CCNF: variants seen among roughly 807,000 people sequenced by gnomAD.
The protein encoded by CCNF is cyclin F.
A neutral mutation model predicts 85.4 loss-of-function variants in CCNF; 30 were observed. The observed-to-expected ratio is 0.35, with a 90% CI of 0.26 to 0.48. The LOEUF (loss-of-function observed/expected upper bound fraction) is 0.48, where lower values mean the gene tolerates loss of function less well. CCNF is among the 20% of genes least tolerant of loss of function. The pLI is 0.99. For missense variants in CCNF, 919 were observed against 1,010.4 expected (o/e 0.91, Z 1.23); for synonymous variants, 439 against 425.1 (o/e 1.03, Z -0.40).
Position 2,441,060 on chromosome 16 carries a change from C to T in CCNF, c.777+1234C>T, listed in dbSNP as rs189945479. 1.4e-3 allele frequency among the ~76,000 whole-genome samples: 210 copies of T among 151,782 alleles called. 2 individuals are homozygous for T. The highest frequency in any genetic ancestry group is 0.014 in the Middle Eastern group (4 of 294). On this transcript the variant is annotated intron_variant, in intron 8 of 16. Transcript: ENST00000397066. Reference sequence around the variant, plus strand: ...CACCCTGGCCAATGTGGTGAAACCCCGTCTTTACTAAAAATACAAAAAAAT... The same window carrying T: ...CACCCTGGCCAATGTGGTGAAACCCTGTCTTTACTAAAAATACAAAAAAAT...
intron 8 of CCNF, among the ~76,000 whole-genome samples, chr16:2,440,597 G>A (rs2141819783): frequency 6.6e-6 from 1 of 151,708 alleles, no homozygotes; most frequent in East Asian, 1.9e-4. Context: ...TCTGTCTGAA[G>A]GAAAAAAAAA....
intron 2 of CCNF, 109 bp from the exon 3 acceptor site, chr16:2,432,852 C>T (rs558396569): frequency 6.7e-6 from 4 of 598,486 alleles, no homozygotes; most frequent in African/African-American, 3.7e-5. Context: ...CTTGGGATGG[C>T]GAGGGAGACA....
Position 2,453,125 on chromosome 16 carries a change from A to G in CCNF, c.1488-85A>G. 8.7e-7 allele frequency: 1 copy of G among 1,155,816 alleles called. No individual in the cohort carries two copies. The highest frequency in any genetic ancestry group is 1.3e-6 in the Non-Finnish European group (1 of 768,190). 71.6% of individuals were successfully genotyped at this position (1,155,816 alleles called of 1,614,324 possible). ...TTCCAGAGTGACTGCACCATTTTGC[A>G]TTCTCATTGCTCACTTCAGTGAACT... is the stretch of plus-strand genomic sequence containing the variant. On this transcript the variant is annotated intron_variant, in intron 13 of 16. Transcript: ENST00000397066. The surrounding 1 kb of genome is among the most constrained non-coding windows in gnomAD (Gnocchi z 5.6).
chr16:2,433,388 C>G (rs2065272178), intron 3 of CCNF, among the ~76,000 whole-genome samples: 1 of 152,184 alleles, frequency 6.6e-6, no homozygotes, highest in South Asian at 2.1e-4. Flanking sequence ...AGCCTTCCTT[C>G]CCTTTGGTCA....
intron 9 of CCNF, among the ~76,000 whole-genome samples, chr16:2,444,643 C>T (rs2065351796): frequency 6.6e-6 from 1 of 151,852 alleles, no homozygotes; most frequent in African/African-American, 2.4e-5. Context: ...GTCACCCAGG[C>T]CAGAGTGCAG....
chr16:2,430,976 G>T (rs1191873342), intron 1 of CCNF, 154 bp from the exon 2 acceptor site: 1 of 835,182 alleles, frequency 1.2e-6, no homozygotes. Context: ...TCTTTGTTTG[G>T]GACAAGAAGC....
In CCNF at chr16:2,448,852, C is replaced by A; in HGVS notation, c.1095-3C>A. 2 of 1,613,438 alleles carry A rather than the reference C, an allele frequency of 1.2e-6. No homozygotes were observed. Among genetic ancestry groups the A allele is most frequent in the Non-Finnish European group, 1.7e-6 (2 of 1,179,536 alleles). On this transcript the variant is annotated splice_region_variant and splice_polypyrimidine_tract_variant and intron_variant, in intron 10 of 16. Coordinates refer to ENST00000397066, the MANE Select transcript of CCNF (RefSeq NM_001761.3). The stretch of plus-strand genomic sequence containing the variant: ...ACCCTGAGACCCCTTCTCGGCGTTG[C>A]AGGTTTATCAGTAAAGAGATCCTGA...
In CCNF at chr16:2,458,648, CTG is replaced by C; in HGVS notation, c.*1630_*1631del. 1 of 152,224 alleles carries C rather than the reference CTG, an allele frequency of 6.6e-6. No homozygotes were observed. The highest frequency in any genetic ancestry group is 1.9e-4 in the East Asian group (1 of 5,186). 9.4% of individuals were successfully genotyped at this position (152,224 alleles called of 1,614,324 possible). On this transcript the variant is annotated 3_prime_UTR_variant, in exon 17 of 17. Transcript: ENST00000397066. ...CTATGTGTGTTCATGTCCGCGGCAG[CTG>C]TCTTTTTGCTACTATAAGGGAATTC...
intron 1 of CCNF, chr16:2,430,898 A>G: frequency 1.4e-6 from 1 of 699,102 alleles, no homozygotes; most frequent in South Asian, 1.4e-5. Context: ...TTTGCCATAA[A>G]TATTTGTTGA....
intron 3 of CCNF, among the ~76,000 whole-genome samples, chr16:2,434,699 T>C (rs2065278955): frequency 6.6e-6 from 1 of 152,216 alleles, no homozygotes; most frequent in African/African-American, 2.4e-5. Flanking sequence ...CACCAGTACT[T>C]AACTTTAGAA....
rs369575128 is a variant in CCNF, at chr16:2,431,335, A to G, written c.171+51A>G. ...GAGCCCTAGCATTGTTGATTATACCATCAGGCCTTGTGTTCTTAACTGTCA... is the reference window on the plus strand; with the variant it reads ...GAGCCCTAGCATTGTTGATTATACCGTCAGGCCTTGTGTTCTTAACTGTCA... On this transcript the variant is annotated intron_variant, in intron 2 of 16. Transcript: ENST00000397066. 6 of 1,582,364 alleles carry G rather than the reference A, an allele frequency of 3.8e-6. No individual in the cohort carries two copies. The East Asian group carries it at 1.3e-4, about 35-fold the overall frequency.
intron 8 of CCNF, among the ~76,000 whole-genome samples, chr16:2,441,061 G>A (rs2065318527): frequency 2.0e-5 from 3 of 151,672 alleles, no homozygotes; most frequent in South Asian, 2.1e-4. Flanking sequence ...GTGAAACCCC[G>A]TCTTTACTAA....
rs2065309194 is a variant in CCNF at position 2,439,406 on chromosome 16, G to A, written c.648G>A (p.Gln216=). 1.2e-6 allele frequency: 2 copies of A among 1,611,138 alleles called. No individual in the cohort carries two copies. The highest frequency in any genetic ancestry group is 1.7e-5 in the Admixed American group (1 of 59,788). Residue 216 remains glutamine (Q), a synonymous_variant, in exon 7 of 17, where the codon CAG becomes CAA. Transcript: ENST00000397066. ...AHDLFEEAAH[Q]GCLTSSYLLW... ...ACCTGTTTGAGGAGGCTGCTCATCA[G>A]GGATGTCTGACCAGCTCCTACCTCC... is the stretch of plus-strand genomic sequence containing the variant.
chr16:2,445,720 T>C, intron 10 of CCNF, 98 bp downstream of exon 10: 1 of 1,043,588 alleles, frequency 9.6e-7, no homozygotes, highest in Non-Finnish European at 1.3e-6. Flanking sequence ...TTTGGTTTTG[T>C]TTTGTGTTGT....
At chr16:2,440,974 C>CT (rs1439963280) in intron 8 of CCNF, among the ~76,000 whole-genome samples, 9 of 152,138 alleles carry the variant, frequency 5.9e-5, no homozygotes, top group Non-Finnish European at 4.4e-5. Flanking sequence ...TGGCTCATGC[C>CT]TGTAATGCCA....
In CCNF at chr16:2,443,600, C is replaced by T. The variant is rs371078328; in HGVS notation, c.778-49C>T. 54 of 1,591,554 alleles carry T rather than the reference C, an allele frequency of 3.4e-5. No individual in the cohort carries two copies. In the Middle Eastern group the frequency reaches 5.0e-4, roughly 15 times the overall value. ...GGGCCTTTGCTTCAGAAATGGAAAA[C>T]TGCAACATGGCTGCTGTCTCACGCT... On this transcript the variant is annotated intron_variant, in intron 8 of 16. Coordinates refer to ENST00000397066, the MANE Select transcript of CCNF (RefSeq NM_001761.3).
At chr16:2,450,845 G>C (rs2065391023) in intron 13 of CCNF, among the ~76,000 whole-genome samples, 1 of 152,212 alleles carries the variant, frequency 6.6e-6, no homozygotes, top group South Asian at 2.1e-4. Flanking sequence ...CCCCAGTCAG[G>C]AAAATACTCC....
At chr16:2,455,673 C>T (rs2065423376) in intron 16 of CCNF, 109 bp downstream of exon 16, 1 of 1,438,442 alleles carries the variant, frequency 7.0e-7, no homozygotes. Context: ...GGAAGATGTG[C>T]ACAGAGTGCG....
Position 2,456,030 on chromosome 16 carries a change from G to A in CCNF, c.1885+466G>A, listed in dbSNP as rs1346390781. Among the ~76,000 whole-genome samples the A allele has an allele frequency of 3.3e-5, 5 of 152,198 alleles. No individual in the cohort carries two copies. In the East Asian group the frequency reaches 5.8e-4, roughly 18 times the overall value. ...TTAAAAATTAGCTGGGCATCGTGGC[G>A]TGCGCCTGTGGTCCCAGCTACTCAG... On this transcript the variant is annotated intron_variant, in intron 16 of 16. Transcript: ENST00000397066. This position sits in a 1 kb window ranked among gnomAD's most constrained non-coding sequence, Gnocchi z 4.5.
Sources: gnomAD v4.1 joint callset for allele counts (sites outside exome capture counted in the v4.1 genomes callset) on GRCh38, gnomAD v4.1.1 for gene constraint, Gnocchi (gnomAD v3.1) non-coding constraint, MANE v1.5 for transcripts, NCBI Gene and HGNC (gene_info 2026-07-23, HGNC 2026-07-21) for gene names.